Variants in MN1 observed in about 807,000 individuals in gnomAD.
MN1 encodes the protein MN1 proto-oncogene, transcriptional regulator.
In MN1, 19 loss-of-function variants were observed where a neutral mutation model predicts 86.9. The ratio of observed to expected loss-of-function variants is 0.22; its 90% CI spans 0.15 to 0.32. The LOEUF is 0.32. Ranked by LOEUF, MN1 falls within the 10% of genes least tolerant of loss-of-function variation. The pLI, the probability that MN1 is intolerant of heterozygous loss-of-function variation, is 1.00. For missense variants in MN1, 1,841 were observed against 1,862.0 expected (o/e 0.99, Z 0.21); for synonymous variants, 928 against 849.6 (o/e 1.09, Z -1.60).
At chr22:27,776,737 C>A (rs186358249) in intron 1 of MN1, among the ~76,000 whole-genome samples, 1 of 152,152 alleles carries the variant, frequency 6.6e-6, no homozygotes, top group Non-Finnish European at 1.5e-5. Context: ...ACATGCCCCC[C>A]CTCACCCGCC....
chr22:27,772,549 C>T (rs1932927666), intron 1 of MN1, among the ~76,000 whole-genome samples: 1 of 152,136 alleles, frequency 6.6e-6, no homozygotes, highest in Non-Finnish European at 1.5e-5. Context: ...CAGTGCTCCA[C>T]AGCTTGACAT....
intron 1 of MN1, 33 bp downstream of exon 1, chr22:27,796,730 C>G (rs763338262): frequency 6.5e-7 from 1 of 1,548,428 alleles, no homozygotes; most frequent in African/African-American, 1.4e-5. Context: ...GCGGGTCACC[C>G]GGGAAGTGAG....
chr22:27,749,637 A>T lies in MN1; in HGVS notation c.*1278T>A. ...TGCAACAGGGTGAGATTCCAAAAAA[A>T]TGTTGGGGAGGGGGCAGAGGAATTC... On this transcript the variant is annotated 3_prime_UTR_variant, in exon 2 of 2. Coordinates refer to ENST00000302326, the MANE Select transcript of MN1 (RefSeq NM_002430.3). 4.3e-6 allele frequency: 1 copy of T among 231,848 alleles called. No individual in the cohort carries two copies. Among genetic ancestry groups the T allele is most frequent in the East Asian group, 6.1e-5 (1 of 16,362 alleles). The allele number at this position is 231,848 out of a possible 1,614,324, so 14.4% of individuals were successfully genotyped here. A position where few individuals can be genotyped will look rare whatever the true frequency, so the allele number is the denominator to read the frequency against.
chr22:27,761,318 G>C (rs1932833214), intron 1 of MN1, among the ~76,000 whole-genome samples: 1 of 145,098 alleles, frequency 6.9e-6, no homozygotes. Context: ...TCCTCTTTCT[G>C]CCCCTCCATC....
At chr22:27,790,466 C>T (rs895655708) in intron 1 of MN1, among the ~76,000 whole-genome samples, 4 of 152,150 alleles carry the variant, frequency 2.6e-5, no homozygotes, top group African/African-American at 9.7e-5. Flanking sequence ...CCTTTTGAGG[C>T]CTGTTCACAG....
Position 27,799,197 on chromosome 22 carries a change from G to A in MN1, c.1347C>T (p.Pro449=), listed in dbSNP as rs1232775514. Residue 449 remains proline, a synonymous_variant, in exon 1 of 2, where the codon CCC becomes CCT. Transcript: ENST00000302326. ...NQRLQHFDAP[P]YMNVAKRPRF... Reference sequence around the variant, plus strand: ...GCGGCCTCTTGGCCACGTTCATGTAGGGGGGCGCGTCGAAATGCTGCAGCC... The same window carrying A: ...GCGGCCTCTTGGCCACGTTCATGTAAGGGGGCGCGTCGAAATGCTGCAGCC... The A allele has an allele frequency of 8.1e-6, 13 of 1,604,964 alleles. No individual in the cohort carries two copies. Among genetic ancestry groups the A allele is most frequent in the Non-Finnish European group, 1.1e-5 (13 of 1,174,118 alleles).
chr22:27,796,351 G>A (rs1933294756), intron 1 of MN1, among the ~76,000 whole-genome samples: 2 of 151,996 alleles, frequency 1.3e-5, no homozygotes, highest in African/African-American at 4.8e-5. Context: ...CAGGTGTCCT[G>A]CCAGGGAAGG....
At chr22:27,763,936 A>T (rs966982148) in intron 1 of MN1, among the ~76,000 whole-genome samples, 5 of 152,202 alleles carry the variant, frequency 3.3e-5, no homozygotes, top group African/African-American at 2.4e-5. Flanking sequence ...TAGGGGGTTA[A>T]GCAAGCTTTG....
intron 1 of MN1, among the ~76,000 whole-genome samples, chr22:27,795,310 G>C (rs1227898665): frequency 6.6e-6 from 1 of 151,310 alleles, no homozygotes; most frequent in Non-Finnish European, 1.5e-5. Context: ...CCCGGGATGC[G>C]CGCCTTGAAA....
At chr22:27,774,354 G>A (rs1027616642) in intron 1 of MN1, among the ~76,000 whole-genome samples, 15 of 152,128 alleles carry the variant, frequency 9.9e-5, no homozygotes, top group African/African-American at 2.9e-4. Flanking sequence ...TGAGGTCCAC[G>A]CTCATCCCAC....
At position 27,750,781 on chromosome 22, in the gene MN1, G is replaced by GAAAA; in HGVS notation, c.*130_*133dup. The GAAAA allele has an allele frequency of 2.0e-6, 1 of 497,626 alleles. No homozygotes were observed. The highest frequency in any genetic ancestry group is 4.7e-5 in the African/African-American group (1 of 21,418). 30.8% of individuals were successfully genotyped at this position (497,626 alleles called of 1,614,324 possible). A position where few individuals can be genotyped will look rare whatever the true frequency, so the allele number is the denominator to read the frequency against. On this transcript the variant is annotated 3_prime_UTR_variant, in exon 2 of 2. Coordinates refer to ENST00000302326, the MANE Select transcript of MN1 (RefSeq NM_002430.3). ...GCCACTAAGCAGGTACCAACCTAGA[G>GAAAA]AAAAAAAAAAAACTCATCCACTCAG...
In MN1 at chr22:27,799,420, G is replaced by A. The variant is rs777344383; in HGVS notation, c.1124C>T (p.Pro375Leu). ...PGLLVRQNSC[P>L]PALPRPQQGE... ...CTGCTGGGGCCGAGGGAGCGCAGGC[G>A]GGCACGAATTTTGTCGGACTAGAAG... Residue 375 changes from proline to leucine, a missense_variant, in exon 1 of 2, where the codon CCG becomes CTG. By Grantham distance (98) the Pro-to-Leu change is moderately conservative. Coordinates refer to ENST00000302326, the MANE Select transcript of MN1 (RefSeq NM_002430.3). The A allele has an allele frequency of 1.3e-6, 2 of 1,483,160 alleles. No individual in the cohort carries two copies. Among genetic ancestry groups the A allele is most frequent in the Non-Finnish European group, 1.8e-6 (2 of 1,121,400 alleles). 91.9% of individuals were successfully genotyped at this position (1,483,160 alleles called of 1,614,324 possible). A position where few individuals can be genotyped will look rare whatever the true frequency, so the allele number is the denominator to read the frequency against.
chr22:27,798,841 T>C lies in MN1; in HGVS notation c.1703A>G (p.Gln568Arg). The C allele has an allele frequency of 6.5e-7, 1 of 1,540,928 alleles. No individual in the cohort carries two copies. The highest frequency in any genetic ancestry group is 8.7e-7 in the Non-Finnish European group (1 of 1,146,776). Residue 568 changes from glutamine to arginine, a missense_variant, in exon 1 of 2, where the codon CAG (glutamine) becomes CGG (arginine). Transcript: ENST00000302326. ...AGCCAGGTTGGGCTGGCGCAGCCGC[T>C]GCTGCTGATTCCGCGACGCCATCTG... The part of the protein sequence containing the change: ...IKQMASRNQQ[Q>R]RLRQPNLAQL...
intron 1 of MN1, among the ~76,000 whole-genome samples, chr22:27,794,354 A>C (rs1933256615): frequency 6.6e-6 from 1 of 152,238 alleles, no homozygotes; most frequent in Admixed American, 6.5e-5. Context: ...AGAAGCTTCG[A>C]GTGACCTCAA....
chr22:27,784,527 CTAAAGTT>C (rs139838361), intron 1 of MN1, among the ~76,000 whole-genome samples: 9,426 of 152,170 alleles, frequency 0.062, 371 homozygotes, highest in Non-Finnish European at 0.09. Context: ...CAATTTTACT[CTAAAGTT>C]TAAAATGAAA....
At chr22:27,787,123 G>A (rs961854677) in intron 1 of MN1, among the ~76,000 whole-genome samples, 3 of 152,142 alleles carry the variant, frequency 2.0e-5, no homozygotes. Context: ...GACTTCTCAG[G>A]CCTGTGTGGT....
At position 27,796,751 on chromosome 22, in the gene MN1, G is replaced by A. The variant is rs1413955124; in HGVS notation, c.3781+12C>T. On this transcript the variant is annotated intron_variant, in intron 1 of 1. Coordinates refer to ENST00000302326, the MANE Select transcript of MN1 (RefSeq NM_002430.3). ...CACCCGGGAAGTGAGAGGAAAACGA[G>A]TGTGCATATACCTTCTTTGCTGTTG... 6.4e-6 allele frequency: 10 copies of A among 1,574,172 alleles called. No homozygotes were observed. The African/African-American group carries it at 1.2e-4, about 19-fold the overall frequency.
rs764189244 is a variant in MN1, at chr22:27,799,038, C to G, written c.1506G>C (p.Val502=). The change falls in exon 1 of 2, where the codon GTG becomes GTC. Residue 502 remains valine, a synonymous_variant. Transcript: ENST00000302326. ...PGLPGEFTPP[V]PDSFPSGPPL... is the part of the protein sequence containing the mutation. ...GCGGCCCCGAAGGGAAGCTGTCGGG[C>G]ACAGGCGGTGTGAACTCGCCGGGTA... is the stretch of plus-strand genomic sequence containing the variant. The G allele has an allele frequency of 6.8e-6, 11 of 1,611,878 alleles. No homozygotes were observed. The highest frequency in any genetic ancestry group is 3.3e-5 in the Admixed American group (2 of 59,910).
At chr22:27,795,133 C>G (rs903496022) in intron 1 of MN1, among the ~76,000 whole-genome samples, 3 of 152,094 alleles carry the variant, frequency 2.0e-5, no homozygotes, top group Non-Finnish European at 4.4e-5. Context: ...CTGGGAGAAG[C>G]CTGGAGAATG....
Sources: allele counts gnomAD v4.1 joint callset (sites outside exome capture counted in the v4.1 genomes callset), GRCh38; gene constraint gnomAD v4.1.1; transcripts MANE v1.5; gene names NCBI Gene and HGNC (gene_info 2026-07-23, HGNC 2026-07-21).